ARID2: variants seen among roughly 807,000 people sequenced by gnomAD.
ARID2 encodes AT-rich interaction domain 2.
In ARID2, 32 loss-of-function variants were observed where a neutral mutation model predicts 184.6. The ratio of observed to expected loss-of-function variants is 0.17; its 90% CI spans 0.13 to 0.23. The LOEUF (loss-of-function observed/expected upper bound fraction) is 0.23. Among genes scored for constraint, ARID2 ranks in the 10% least tolerant of loss-of-function variants. The probability of loss-of-function intolerance (pLI) is 1.00; values close to 1 mark genes in which losing one functional copy is unlikely to be tolerated. For synonymous variants in ARID2, 836 were observed against 772.6 expected (o/e 1.08, Z -1.36); for missense variants, 1,696 against 2,197.6 (o/e 0.77, Z 4.56).
At chr12:45,775,352 A>G (rs1941956288) in intron 3 of ARID2, among the ~76,000 whole-genome samples, 1 of 152,174 alleles carries the variant, frequency 6.6e-6, no homozygotes, top group South Asian at 2.1e-4. Context: ...TCTATGTGCA[A>G]TAGGGATTTT....
chr12:45,788,013 T>C lies in ARID2; in HGVS notation c.285-23405T>C, dbSNP rs1276073056. 2.6e-5 allele frequency among the ~76,000 whole-genome samples: 4 copies of C among 152,356 alleles called. No homozygotes were observed. The East Asian group carries it at 7.7e-4, about 29-fold the overall frequency. On this transcript the variant is annotated intron_variant, in intron 3 of 20. Transcript: ENST00000334344. ...CGGATAGCATTGTATGTTTTTGTCG[T>C]TTACAACATACTGTTTTGAAGTATG...
chr12:45,893,362 C>T (rs2136461896), intron 18 of ARID2, 58 bp from the exon 19 acceptor site: 1 of 1,537,828 alleles, frequency 6.5e-7, no homozygotes, highest in African/African-American at 1.4e-5. Context: ...TCATAGTTGT[C>T]AGTCTGTCTG....
intron 16 of ARID2, among the ~76,000 whole-genome samples, chr12:45,886,315 T>C (rs564113189): frequency 4.7e-4 from 72 of 152,358 alleles, no homozygotes; most frequent in Non-Finnish European, 9.7e-4. Flanking sequence ...GTCACGCTGA[T>C]GCACGAGGTG....
At chr12:45,883,251 T>C (rs1358326371) in intron 16 of ARID2, among the ~76,000 whole-genome samples, 1 of 152,080 alleles carries the variant, frequency 6.6e-6, no homozygotes, top group East Asian at 1.9e-4. Context: ...CCACACATAG[T>C]AGTAGAATTT....
chr12:45,765,319 A>G (rs1941751609), intron 3 of ARID2, among the ~76,000 whole-genome samples: 1 of 151,880 alleles, frequency 6.6e-6, no homozygotes, highest in Non-Finnish European at 1.5e-5. Flanking sequence ...TGATCCTCCC[A>G]TGATAGCCTC....
chr12:45,740,316 C>A (rs1182890635), intron 3 of ARID2, among the ~76,000 whole-genome samples: 3 of 152,006 alleles, frequency 2.0e-5, no homozygotes, highest in African/African-American at 7.2e-5. Flanking sequence ...ATTTCTTTTG[C>A]TATCTATATG....
chr12:45,832,180 A>C (rs201126829), intron 6 of ARID2, among the ~76,000 whole-genome samples: 2 of 152,222 alleles, frequency 1.3e-5, no homozygotes, highest in East Asian at 3.8e-4. Context: ...TTTTTGATGC[A>C]TATAAAACTG....
At chr12:45,770,957 T>A (rs1253995072) in intron 3 of ARID2, among the ~76,000 whole-genome samples, 1 of 152,156 alleles carries the variant, frequency 6.6e-6, no homozygotes, top group Admixed American at 6.5e-5. Context: ...CATCCCTATC[T>A]GCCTGGCATT....
chr12:45,855,913 A>G (rs1012506904), intron 15 of ARID2, among the ~76,000 whole-genome samples: 2 of 151,850 alleles, frequency 1.3e-5, no homozygotes, highest in African/African-American at 4.8e-5. Flanking sequence ...ATTTTTGTAG[A>G]GTTGGGATCT....
intron 3 of ARID2, among the ~76,000 whole-genome samples, chr12:45,780,754 G>T (rs1942073818): frequency 6.6e-6 from 1 of 151,926 alleles, no homozygotes; most frequent in Non-Finnish European, 1.5e-5. Context: ...TAGTCACTGG[G>T]ATTACAGGTG....
At chr12:45,756,926 G>A (rs546312685) in intron 3 of ARID2, among the ~76,000 whole-genome samples, 1 of 152,216 alleles carries the variant, frequency 6.6e-6, no homozygotes, top group African/African-American at 2.4e-5. Flanking sequence ...GAGCAGAGGC[G>A]GTTGTAATAT....
At position 45,852,585 on chromosome 12, in the gene ARID2, G is replaced by A. The variant is rs776372381; in HGVS notation, c.4462G>A (p.Asp1488Asn). The A allele has an allele frequency of 2.2e-5, 35 of 1,614,012 alleles. No homozygotes were observed. Among genetic ancestry groups the A allele is most frequent in the Middle Eastern group, 1.6e-4 (1 of 6,084 alleles). Residue 1488 changes from aspartate to asparagine, a missense_variant, in exon 15 of 21, where the codon GAC becomes AAC. By Grantham distance (23) the Asp-to-Asn change is conservative. Around this residue, in one of 11 missense-constraint regions of ARID2, gnomAD observed 428 missense variants for 409.1 expected, o/e 1.05. Coordinates refer to ENST00000334344, the MANE Select transcript of ARID2 (RefSeq NM_152641.4). ...IQGHQIIAVP[D>N]SGSKVSHSPA... is the part of the protein sequence containing the mutation. Reference sequence around the variant, plus strand: ...GGGACATCAAATCATAGCAGTTCCCGACTCAGGATCAAAAGTATCCCATTC... The same window carrying A: ...GGGACATCAAATCATAGCAGTTCCCAACTCAGGATCAAAAGTATCCCATTC...
intron 4 of ARID2, among the ~76,000 whole-genome samples, chr12:45,813,485 G>T (rs1185649224): frequency 1.4e-5 from 2 of 147,450 alleles, no homozygotes; most frequent in Non-Finnish European, 3.0e-5. Context: ...CCACCAAAAT[G>T]AAATTATCTA....
chr12:45,865,500 GT>G lies in ARID2; in HGVS notation c.4922+4558del, dbSNP rs530953173. On this transcript the variant is annotated intron_variant, in intron 16 of 20. Transcript: ENST00000334344. ...TGTTTGTTTTTGTCCTAGATGAAGG[GT>G]TTTTTTCTTTCAATTAATTTTTCTG... is the stretch of plus-strand genomic sequence containing the variant. Among the ~76,000 whole-genome samples, 220 of 151,940 alleles carry G rather than the reference GT, an allele frequency of 1.4e-3. 1 individual carries two copies. The highest frequency in any genetic ancestry group is 5.2e-3 in the African/African-American group (216 of 41,476).
intron 3 of ARID2, among the ~76,000 whole-genome samples, chr12:45,765,861 T>C (rs1941761942): frequency 6.6e-6 from 1 of 152,224 alleles, no homozygotes. Context: ...AGGCAACCAC[T>C]AATTTGTTAG....
At chr12:45,805,566 T>C (rs1482532081) in intron 3 of ARID2, among the ~76,000 whole-genome samples, 1 of 152,108 alleles carries the variant, frequency 6.6e-6, no homozygotes, top group African/African-American at 2.4e-5. Flanking sequence ...TCTGTACCTA[T>C]TATTAGTCAT....
At chr12:45,847,545 A>G (rs1298027954) in intron 12 of ARID2, among the ~76,000 whole-genome samples, 2 of 152,090 alleles carry the variant, frequency 1.3e-5, no homozygotes, top group East Asian at 1.9e-4. Flanking sequence ...CTTGTTATGG[A>G]TAGTTGCCTC....
At chr12:45,828,712 T>A (rs1943051121) in intron 6 of ARID2, among the ~76,000 whole-genome samples, 1 of 152,088 alleles carries the variant, frequency 6.6e-6, no homozygotes, top group Non-Finnish European at 1.5e-5. Flanking sequence ...TTTTCTTGTT[T>A]GATGAGAACT....
At chr12:45,833,277 C>T (rs550426292) in intron 6 of ARID2, among the ~76,000 whole-genome samples, 1 of 152,222 alleles carries the variant, frequency 6.6e-6, no homozygotes, top group Non-Finnish European at 1.5e-5. Flanking sequence ...ATAACCCCAT[C>T]ATAAGTCAAG....
Sources: gnomAD v4.1 joint callset for allele counts (sites outside exome capture counted in the v4.1 genomes callset) on GRCh38, gnomAD v4.1.1 for gene constraint, gnomAD v4.1.1 regional missense constraint, MANE v1.5 for transcripts, NCBI Gene and HGNC (gene_info 2026-07-23, HGNC 2026-07-21) for gene names.